AXDND1: variants seen among roughly 807,000 people sequenced by gnomAD.
AXDND1 encodes the protein axonemal dynein light chain domain-containing protein 1.
A neutral mutation model predicts 137.5 loss-of-function variants in AXDND1; 110 were observed. The observed-to-expected ratio is 0.80, with a 90% CI of 0.69 to 0.94. The LOEUF (loss-of-function observed/expected upper bound fraction) is 0.94, where lower values mean the gene tolerates loss of function less well. Ranked by LOEUF, AXDND1 falls within the 40% of genes least tolerant of loss-of-function variation. The pLI is 0.00. For synonymous variants in AXDND1, 414 were observed against 399.7 expected (o/e 1.04, Z -0.43); for missense variants, 1,191 against 1,169.8 (o/e 1.02, Z -0.26).
At chr1:179,421,696 T>G (rs114195101) in intron 12 of AXDND1, among the ~76,000 whole-genome samples, 1 of 151,996 alleles carries the variant, frequency 6.6e-6, no homozygotes. Flanking sequence ...ATCTTTTTTC[T>G]TATTTAGTCT....
intron 25 of AXDND1, among the ~76,000 whole-genome samples, chr1:179,536,505 A>C (rs1454705388): frequency 6.6e-6 from 1 of 152,180 alleles, no homozygotes; most frequent in Non-Finnish European, 1.5e-5. Flanking sequence ...CAGGTTTGTC[A>C]AAGATCAGAT....
intron 23 of AXDND1, among the ~76,000 whole-genome samples, chr1:179,532,178 C>T (rs780975631): frequency 3.3e-5 from 5 of 152,172 alleles, no homozygotes; most frequent in African/African-American, 4.8e-5. Flanking sequence ...GACCACAAAA[C>T]ATTAATCTGT....
At chr1:179,465,620 G>T (rs1300056859) in intron 16 of AXDND1, among the ~76,000 whole-genome samples, 1 of 152,224 alleles carries the variant, frequency 6.6e-6, no homozygotes, top group Non-Finnish European at 1.5e-5. Flanking sequence ...CAAACTCTGT[G>T]CTGGGAGAAC....
intron 17 of AXDND1, among the ~76,000 whole-genome samples, chr1:179,475,946 A>G (rs1571998534): frequency 6.6e-6 from 1 of 152,156 alleles, no homozygotes; most frequent in Admixed American, 6.6e-5. Context: ...TGCTGTTCTC[A>G]TGATAGTGAG....
intron 18 of AXDND1, among the ~76,000 whole-genome samples, chr1:179,486,799 G>T (rs1666135449): frequency 6.7e-6 from 1 of 148,664 alleles, no homozygotes; most frequent in Non-Finnish European, 1.5e-5. Flanking sequence ...TTTGTGACCA[G>T]ATGTGCCTTA....
chr1:179,430,327 A>AT lies in AXDND1; in HGVS notation c.1333-120dup, dbSNP rs1657179958. The stretch of plus-strand genomic sequence containing the variant: ...AATGGTGTAGTAGTGTAACTTTTCA[A>AT]TTTTTAATCAATTTTCTATGAATTT... On this transcript the variant is annotated intron_variant, in intron 13 of 25. Transcript: ENST00000367618. 1.0e-5 allele frequency: 8 copies of AT among 772,338 alleles called. No homozygotes were observed. In the South Asian group the frequency reaches 2.0e-4, roughly 20 times the overall value. 47.8% of individuals were successfully genotyped at this position (772,338 alleles called of 1,614,324 possible).
At chr1:179,493,891 G>A (rs1667182567) in intron 20 of AXDND1, among the ~76,000 whole-genome samples, 1 of 152,020 alleles carries the variant, frequency 6.6e-6, no homozygotes, top group Non-Finnish European at 1.5e-5. Flanking sequence ...TTACACTCTT[G>A]CCAGCAGTAT....
At chr1:179,530,042 A>T (rs1553305756) in intron 23 of AXDND1, among the ~76,000 whole-genome samples, 1 of 152,056 alleles carries the variant, frequency 6.6e-6, no homozygotes, top group Non-Finnish European at 1.5e-5. Flanking sequence ...AGATTTATTT[A>T]TTTAGAGACA....
chr1:179,509,520 T>C (rs940744464), intron 21 of AXDND1, 117 bp downstream of exon 21: 42 of 660,582 alleles, frequency 6.4e-5, no homozygotes, highest in Non-Finnish European at 9.6e-5. Flanking sequence ...CCCTAACATA[T>C]GAGAATTTTG....
Position 179,418,612 on chromosome 1 carries a change from C to T in AXDND1, c.1230+7346C>T, listed in dbSNP as rs556436846. Reference sequence around the variant, plus strand: ...CTCCCGGACGGGGCGGCTGGCCGGGCGGGGGGCTGACCCCCGCACCTCCCT... The same window carrying T: ...CTCCCGGACGGGGCGGCTGGCCGGGTGGGGGGCTGACCCCCGCACCTCCCT... On this transcript the variant is annotated intron_variant, in intron 12 of 25. Transcript: ENST00000367618. Among the ~76,000 whole-genome samples the T allele has an allele frequency of 2.6e-3, 392 of 148,610 alleles. 2 individuals are homozygous for T. The highest frequency in any genetic ancestry group is 0.019 in the Middle Eastern group (5 of 266).
chr1:179,447,649 G>A, intron 16 of AXDND1: 3 of 1,322,674 alleles, frequency 2.3e-6, no homozygotes, highest in Non-Finnish European at 3.2e-6. Context: ...TCGAAGATCT[G>A]GTTTTCCACT....
At chr1:179,443,211 A>T (rs114806632) in intron 15 of AXDND1, among the ~76,000 whole-genome samples, 298 of 152,342 alleles carry the variant, frequency 2.0e-3, no homozygotes, top group Non-Finnish European at 3.5e-3. Context: ...CTGTTTGATC[A>T]TATAGCCTCA....
At chr1:179,503,868 A>G (rs1051177916) in intron 20 of AXDND1, among the ~76,000 whole-genome samples, 3 of 152,164 alleles carry the variant, frequency 2.0e-5, no homozygotes, top group South Asian at 2.1e-4. Context: ...GGAGTAGGGT[A>G]ATCCCCATGC....
chr1:179,394,172 A>G, intron 10 of AXDND1, 129 bp downstream of exon 10: 1 of 967,836 alleles, frequency 1.0e-6, no homozygotes, highest in Non-Finnish European at 1.5e-6. Flanking sequence ...CATGTTTAGC[A>G]AGAGAACAAA....
At chr1:179,430,113 G>T (rs556634502) in intron 13 of AXDND1, among the ~76,000 whole-genome samples, 3 of 151,756 alleles carry the variant, frequency 2.0e-5, no homozygotes, top group South Asian at 2.1e-4. Flanking sequence ...ATTGCCCAAG[G>T]TTACACAGCC....
intron 12 of AXDND1, among the ~76,000 whole-genome samples, chr1:179,418,978 G>A (rs1472553568): frequency 6.6e-6 from 1 of 151,908 alleles, no homozygotes; most frequent in Admixed American, 6.6e-5. Flanking sequence ...CATCCCAGAC[G>A]AGGCGGCGGG....
chr1:179,449,194 A>C (rs1382767150), intron 16 of AXDND1: 1 of 446,972 alleles, frequency 2.2e-6, no homozygotes, highest in Non-Finnish European at 4.5e-6. Flanking sequence ...CCTTGGGTTA[A>C]TTTTTATATA....
Position 179,448,509 on chromosome 1 carries a change from C to T in AXDND1, c.1798+3305C>T, listed in dbSNP as rs151131404. 2.4e-3 allele frequency: 890 copies of T among 370,218 alleles called. 8 individuals are homozygous for T. Among genetic ancestry groups the T allele is most frequent in the African/African-American group, 0.018 (835 of 46,686 alleles). The allele number at this position is 370,218 out of a possible 1,614,324, so 22.9% of individuals were successfully genotyped here. ...TATAAAAGTTAATTTTCTTCAATAC[C>T]GTAATGCATCGTACAGCTTCTGTTA... On this transcript the variant is annotated intron_variant, in intron 16 of 25. Transcript: ENST00000367618.
At chr1:179,541,363 T>C (rs1200130134) in intron 25 of AXDND1, among the ~76,000 whole-genome samples, 2 of 152,184 alleles carry the variant, frequency 1.3e-5, no homozygotes, top group South Asian at 2.1e-4. Flanking sequence ...CCTAATGAGA[T>C]GAAGCAGGTA....
Sources: gnomAD v4.1 joint callset for allele counts (sites outside exome capture counted in the v4.1 genomes callset) on GRCh38, gnomAD v4.1.1 for gene constraint, MANE v1.5 for transcripts, NCBI Gene and HGNC (gene_info 2026-07-23, HGNC 2026-07-21) for gene names.